Variants in RBM33 observed in about 807,000 individuals in gnomAD.
RBM33 encodes RNA-binding protein 33.
Under a neutral mutation model 132.6 loss-of-function variants are expected in RBM33, and 28 were observed. The ratio of observed to expected loss-of-function variants is 0.21; its 90% confidence interval spans 0.16 to 0.29. The LOEUF (loss-of-function observed/expected upper bound fraction) is 0.29, where lower values mean the gene tolerates loss of function less well. Ranked by LOEUF, RBM33 falls within the 10% of genes least tolerant of loss-of-function variation. RBM33 has a pLI of 1.00. For missense variants in RBM33, 1,291 were observed against 1,518.5 expected (o/e 0.85, Z 2.49); for synonymous variants, 634 against 593.0 (o/e 1.07, Z -1.01).
At chr7:155,715,745 A>G (rs1480037355) in intron 8 of RBM33, among the ~76,000 whole-genome samples, 1 of 152,244 alleles carries the variant, frequency 6.6e-6, no homozygotes, top group Non-Finnish European at 1.5e-5. Flanking sequence ...GCAGTTGTTT[A>G]TTCTCTAATA....
intron 1 of RBM33, among the ~76,000 whole-genome samples, chr7:155,650,719 C>A (rs1323796147): frequency 1.3e-5 from 2 of 152,170 alleles, no homozygotes; most frequent in African/African-American, 2.4e-5. Context: ...AAAAAGTTAT[C>A]TTTTCAATTT....
At chr7:155,680,239 A>G (rs1185772579) in intron 4 of RBM33, among the ~76,000 whole-genome samples, 1 of 152,220 alleles carries the variant, frequency 6.6e-6, no homozygotes, top group Non-Finnish European at 1.5e-5. Flanking sequence ...AATATAGGCT[A>G]TTTGATTTCA....
chr7:155,757,612 G>A (rs933407060), intron 14 of RBM33, among the ~76,000 whole-genome samples: 1 of 152,162 alleles, frequency 6.6e-6, no homozygotes, highest in African/African-American at 2.4e-5. Flanking sequence ...TGTGACTGAA[G>A]TTTGTTTAAT....
chr7:155,779,611 T>G lies in RBM33; in HGVS notation c.*4570T>G, dbSNP rs1802744494. On this transcript the variant is annotated 3_prime_UTR_variant, in exon 18 of 18. Transcript: ENST00000401878. ...TTAAATGCCTAACTTCTGAGGTGCA[T>G]AAGCCCGTGGTTTGTGTACTGGAAC... The G allele has an allele frequency of 6.6e-6, 1 of 152,232 alleles. No homozygotes were observed. The highest frequency in any genetic ancestry group is 2.1e-4 in the South Asian group (1 of 4,832). The allele number at this position is 152,232 out of a possible 1,614,324, so 9.4% of individuals were successfully genotyped here.
chr7:155,749,675 T>C (rs996946071), intron 14 of RBM33, among the ~76,000 whole-genome samples: 4 of 152,222 alleles, frequency 2.6e-5, no homozygotes, highest in African/African-American at 9.6e-5. Flanking sequence ...CCTGGAACAA[T>C]AGGCTGAGAA....
rs1554487583 is a variant in RBM33 at position 155,763,913 on chromosome 7, C to T, written c.3081C>T (p.Thr1027=). 6.2e-7 allele frequency: 1 copy of T among 1,607,944 alleles called. No homozygotes were observed. The highest frequency in any genetic ancestry group is 8.5e-7 in the Non-Finnish European group (1 of 1,177,350). Residue 1027 remains threonine (T), a synonymous_variant, in exon 15 of 18, where the codon ACC becomes ACT. Transcript: ENST00000401878. ...GPQPARKVTL[T]RGGLQQPPHL... is the part of the protein sequence containing the mutation. The stretch of plus-strand genomic sequence containing the variant: ...AGCCTGCCCGCAAGGTGACGCTGAC[C>T]AGGGGGGGCCTCCAGCAGCCCCCAC...
chr7:155,763,717 G>T, intron 14 of RBM33, 95 bp from the exon 15 acceptor site: 1 of 1,135,616 alleles, frequency 8.8e-7, no homozygotes, highest in East Asian at 2.6e-5. Context: ...TTTGCTTTGT[G>T]GGTGAACACT....
At chr7:155,765,687 T>G (rs538333390) in intron 15 of RBM33, among the ~76,000 whole-genome samples, 1 of 152,350 alleles carries the variant, frequency 6.6e-6, no homozygotes, top group African/African-American at 2.4e-5. Flanking sequence ...TGGGCACATA[T>G]GTTCTCTCTG....
intron 5 of RBM33, among the ~76,000 whole-genome samples, chr7:155,691,829 A>T (rs1799651851): frequency 6.6e-6 from 1 of 152,004 alleles, no homozygotes; most frequent in Non-Finnish European, 1.5e-5. Flanking sequence ...GCCTAGGTGG[A>T]CGGGTCACTT....
chr7:155,652,245 T>A (rs983030990), intron 1 of RBM33, among the ~76,000 whole-genome samples: 7 of 152,202 alleles, frequency 4.6e-5, no homozygotes, highest in African/African-American at 1.7e-4. Context: ...GGTCAGATAG[T>A]AAATATTTTA....
At chr7:155,719,241 A>G (rs1800554128) in intron 9 of RBM33, among the ~76,000 whole-genome samples, 2 of 152,138 alleles carry the variant, frequency 1.3e-5, no homozygotes, top group African/African-American at 2.4e-5. Context: ...TGTCATTTAT[A>G]TGTAAAACAG....
intron 6 of RBM33, chr7:155,701,221 C>T: frequency 2.0e-6 from 1 of 512,340 alleles, no homozygotes; most frequent in Non-Finnish European, 3.4e-6. Flanking sequence ...TGCTCTTGTA[C>T]ATGCTGTGGT....
In RBM33 at chr7:155,723,071, A is replaced by G. The variant is rs188186139; in HGVS notation, c.1260+4628A>G. On this transcript the variant is annotated intron_variant, in intron 9 of 17. Transcript: ENST00000401878. ...GTATTTGTGTTTACTCTGTAGTTAC[A>G]GAACATCACACATCTTATAGTTTGG... Among the ~76,000 whole-genome samples, 4 of 152,362 alleles carry G rather than the reference A, an allele frequency of 2.6e-5. No individual in the cohort carries two copies. The East Asian group carries it at 7.7e-4, about 29-fold the overall frequency.
chr7:155,772,335 C>T (rs1407981862), intron 16 of RBM33, among the ~76,000 whole-genome samples: 1 of 152,194 alleles, frequency 6.6e-6, no homozygotes, highest in African/African-American at 2.4e-5. Flanking sequence ...GTGACACTCA[C>T]TCCACACAGC....
At chr7:155,673,940 GTTTTT>G (rs71186053) in intron 3 of RBM33, among the ~76,000 whole-genome samples, 923 of 54,224 alleles carry the variant, frequency 0.017, 193 homozygotes, top group Middle Eastern at 0.043. Flanking sequence ...TTTAGGCTTA[GTTTTT>G]TTTTTTTTTT....
chr7:155,723,543 A>G (rs1800686797), intron 9 of RBM33, among the ~76,000 whole-genome samples: 1 of 152,232 alleles, frequency 6.6e-6, no homozygotes, highest in African/African-American at 2.4e-5. Flanking sequence ...CATACCATCA[A>G]ATTTAATCAT....
rs10551166 is a variant in RBM33, at chr7:155,716,015, TATTATA to T, written c.1202-2361_1202-2356del. On this transcript the variant is annotated intron_variant, in intron 8 of 17. Transcript: ENST00000401878. The stretch of plus-strand genomic sequence containing the variant: ...ATTTAACTTGTTTCCAGGTTTTTAG[TATTATA>T]ATTATAATGAATTGAAAACAGTCCA... Among the ~76,000 whole-genome samples the T allele has an allele frequency of 2.8e-3, 431 of 152,394 alleles. 2 individuals are homozygous for T. The highest frequency in any genetic ancestry group is 9.6e-3 in the African/African-American group (400 of 41,606).
chr7:155,701,804 C>T (rs1324121306), intron 6 of RBM33, among the ~76,000 whole-genome samples: 2 of 152,204 alleles, frequency 1.3e-5, no homozygotes, highest in African/African-American at 4.8e-5. Context: ...TCTTCTGCTT[C>T]AGCCTCCCGA....
intron 2 of RBM33, among the ~76,000 whole-genome samples, chr7:155,666,032 A>G (rs970603917): frequency 6.6e-6 from 1 of 152,236 alleles, no homozygotes; most frequent in East Asian, 1.9e-4. Context: ...TGAGGCCCTT[A>G]CAGTTCACAT....
Sources: allele counts gnomAD v4.1 joint callset (sites outside exome capture counted in the v4.1 genomes callset), GRCh38; gene constraint gnomAD v4.1.1; transcripts MANE v1.5; gene names NCBI Gene and HGNC (gene_info 2026-07-23, HGNC 2026-07-21).